Variants in TRIP11 observed in about 807,000 individuals in gnomAD.
TRIP11 encodes the protein thyroid hormone receptor interactor 11.
TRIP11 carries 148 observed loss-of-function variants against 223.1 expected under a neutral mutation model. The ratio of observed to expected loss-of-function variants is 0.66; its 90% CI spans 0.58 to 0.76. TRIP11 has a LOEUF of 0.76. Ranked by LOEUF, TRIP11 falls within the 30% of genes least tolerant of loss-of-function variation. The pLI, the probability that TRIP11 is intolerant of heterozygous loss-of-function variation, is 0.00. For synonymous variants in TRIP11, 762 were observed against 772.6 expected, an observed-to-expected ratio of 0.99 and a Z score of 0.23; for missense variants, 2,043 against 2,222.0, an observed-to-expected ratio of 0.92 and a Z score of 1.62.
At chr14:92,010,940 G>A in intron 9 of TRIP11, 46 bp downstream of exon 9, 2 of 1,569,818 alleles carry the variant, frequency 1.3e-6, no homozygotes, top group South Asian at 1.1e-5. Context: ...GCTGTGACCT[G>A]TTACACATAC....
At position 92,014,302 on chromosome 14, in the gene TRIP11, G is replaced by A; in HGVS notation, c.1099C>T (p.Gln367Ter). The A allele has an allele frequency of 6.2e-7, 1 of 1,614,012 alleles. No homozygotes were observed. Among genetic ancestry groups the A allele is most frequent in the Non-Finnish European group, 8.5e-7 (1 of 1,179,988 alleles). Residue 367 changes from glutamine (Q) to a stop codon, truncating the protein, a stop_gained, in exon 7 of 21, where the codon CAA becomes TAA. Coordinates refer to ENST00000267622, the MANE Select transcript of TRIP11 (RefSeq NM_004239.4). LOFTEE classifies it high-confidence loss of function. ...TCCTTTTCTGTCATAGTATCACTTT[G>A]CTTCACAGCAGAAGGCTGCAATTTA... The part of the protein sequence containing the change: ...CSKLQPSAVK[Q>*]SDTMTEKERI...
rs2056363182 is a variant in TRIP11 at position 91,968,595 on chromosome 14, A to G, written c.*1078T>C. On this transcript the variant is annotated 3_prime_UTR_variant, in exon 21 of 21. Transcript: ENST00000267622. ...TATGAAAGTTGCATGAATTTGTGTAACATTTAGTTTTAAGATGGTATCTTT... is the reference window on the plus strand; with the variant it reads ...TATGAAAGTTGCATGAATTTGTGTAGCATTTAGTTTTAAGATGGTATCTTT... The G allele has an allele frequency of 4.5e-6, 1 of 220,096 alleles. No individual in the cohort carries two copies. The highest frequency in any genetic ancestry group is 2.2e-5 in the African/African-American group (1 of 44,512). The allele number at this position is 220,096 out of a possible 1,614,324, so 13.6% of individuals were successfully genotyped here.
At chr14:92,017,965 G>A (rs1281958665) in intron 4 of TRIP11, among the ~76,000 whole-genome samples, 1 of 152,032 alleles carries the variant, frequency 6.6e-6, no homozygotes, top group African/African-American at 2.4e-5. Flanking sequence ...ATTAACTAAT[G>A]GGGGGGACAA....
chr14:91,982,163 T>C (rs958906447), intron 16 of TRIP11, among the ~76,000 whole-genome samples: 1 of 152,186 alleles, frequency 6.6e-6, no homozygotes, highest in Non-Finnish European at 1.5e-5. Flanking sequence ...CTTGATTTTA[T>C]ATAAATATTT....
At chr14:91,999,834 C>T (rs2140110855) in intron 12 of TRIP11, 134 bp downstream of exon 12, 1 of 1,171,180 alleles carries the variant, frequency 8.5e-7, no homozygotes, top group Non-Finnish European at 1.2e-6. Context: ...TAAAATTTTA[C>T]TACTGCACAG....
intron 5 of TRIP11, among the ~76,000 whole-genome samples, chr14:92,016,684 C>A (rs1361819723): frequency 2.0e-5 from 3 of 152,074 alleles, no homozygotes; most frequent in Non-Finnish European, 4.4e-5. Context: ...TGTGCCACCA[C>A]TGGGCTAAGA....
At chr14:92,039,028 T>C (rs2057354607) in intron 1 of TRIP11, among the ~76,000 whole-genome samples, 3 of 152,104 alleles carry the variant, frequency 2.0e-5, no homozygotes, top group Non-Finnish European at 4.4e-5. Context: ...TAATGTATCA[T>C]CACAATAAGG....
intron 16 of TRIP11, among the ~76,000 whole-genome samples, chr14:91,983,916 G>A (rs17733330): frequency 0.075 from 11,433 of 152,186 alleles, 572 homozygotes; most frequent in Admixed American, 0.14. Flanking sequence ...GTAGTTCCAC[G>A]AAAAATATTT....
In TRIP11 at chr14:91,976,090, TA is replaced by T. The variant is rs1423810583; in HGVS notation, c.5342+17del. On this transcript the variant is annotated intron_variant, in intron 17 of 20. Transcript: ENST00000267622. The stretch of plus-strand genomic sequence containing the variant: ...TGATTTCCACAAAATATACAAACAT[TA>T]AAAGCAAAAAGCATACTTGTCTACT... 2 of 1,608,838 alleles carry T rather than the reference TA, an allele frequency of 1.2e-6. No individual in the cohort carries two copies. Among genetic ancestry groups the T allele is most frequent in the African/African-American group, 2.7e-5 (2 of 74,872 alleles).
intron 1 of TRIP11, 59 bp from the exon 2 acceptor site, chr14:92,033,312 G>A: frequency 7.5e-7 from 1 of 1,326,870 alleles, no homozygotes; most frequent in Middle Eastern, 1.9e-4. Context: ...GTAATAAATA[G>A]GTATTTTCAA....
At chr14:92,020,816 A>AAT (rs1371439257) in intron 4 of TRIP11, among the ~76,000 whole-genome samples, 1 of 147,558 alleles carries the variant, frequency 6.8e-6, no homozygotes, top group African/African-American at 2.5e-5. Context: ...TCATGCCTGT[A>AAT]ATCCCAGCAC....
intron 1 of TRIP11, among the ~76,000 whole-genome samples, chr14:92,038,540 G>C (rs1224092948): frequency 1.3e-5 from 2 of 151,674 alleles, no homozygotes; most frequent in Non-Finnish European, 2.9e-5. Context: ...AGACCCCACA[G>C]AAATTCAAAA....
chr14:91,974,555 A>T, intron 19 of TRIP11, 72 bp downstream of exon 19: 1 of 1,247,706 alleles, frequency 8.0e-7, no homozygotes, highest in Non-Finnish European at 1.2e-6. Flanking sequence ...AAAAAATCTG[A>T]TTCTTTGCAA....
At chr14:91,992,880 G>C (rs886575849) in intron 15 of TRIP11, among the ~76,000 whole-genome samples, 1 of 113,160 alleles carries the variant, frequency 8.8e-6, no homozygotes, top group Non-Finnish European at 1.6e-5. Flanking sequence ...CTGCACTCCA[G>C]CATGGGCAAC....
At chr14:91,980,917 G>T (rs1039937870) in intron 16 of TRIP11, among the ~76,000 whole-genome samples, 1 of 146,050 alleles carries the variant, frequency 6.8e-6, no homozygotes, top group Non-Finnish European at 1.5e-5. Context: ...GCAAAAGCTA[G>T]AAATTAGATC....
intron 16 of TRIP11, among the ~76,000 whole-genome samples, chr14:91,977,659 C>CTGTTAA (rs57322613): frequency 6.6e-6 from 1 of 150,416 alleles, no homozygotes; most frequent in African/African-American, 2.5e-5. Flanking sequence ...TCAGGACTGC[C>CTGTTAA]CTCACCTTTC....
chr14:91,977,519 C>T (rs1360263651), intron 16 of TRIP11, among the ~76,000 whole-genome samples: 1 of 137,900 alleles, frequency 7.3e-6, no homozygotes, highest in Non-Finnish European at 1.6e-5. Flanking sequence ...TTTTGGCAAC[C>T]TTGTTGGAAA....
chr14:92,016,717 C>A (rs1471674356), intron 5 of TRIP11, among the ~76,000 whole-genome samples: 1 of 152,158 alleles, frequency 6.6e-6, no homozygotes, highest in Non-Finnish European at 1.5e-5. Context: ...AACCTCAAAA[C>A]AATCCTACAA....
chr14:92,034,842 C>T (rs369851913), intron 1 of TRIP11, among the ~76,000 whole-genome samples: 12 of 152,284 alleles, frequency 7.9e-5, no homozygotes, highest in African/African-American at 2.9e-4. Context: ...CTGTGTTGCC[C>T]AGGCAGGTCT....
Sources: allele counts gnomAD v4.1 joint callset (sites outside exome capture counted in the v4.1 genomes callset), GRCh38; gene constraint gnomAD v4.1.1; transcripts MANE v1.5; gene names NCBI Gene and HGNC (gene_info 2026-07-23, HGNC 2026-07-21).